VDAC1: variants seen among roughly 807,000 people sequenced by gnomAD.
VDAC1 encodes voltage dependent anion channel 1.
A neutral mutation model predicts 34.7 loss-of-function variants in VDAC1; 10 were observed. That is an observed-to-expected ratio of 0.29 (90% CI 0.18 to 0.49). The LOEUF is 0.49. VDAC1 is among the 20% of genes least tolerant of loss of function. The pLI is 0.99. For synonymous variants in VDAC1, 130 were observed against 136.0 expected, an observed-to-expected ratio of 0.96 and a Z score of 0.30; for missense variants, 230 against 347.9, an observed-to-expected ratio of 0.66 and a Z score of 2.69.
At chr5:134,047,983 C>T in the VDAC1 span, among the ~76,000 whole-genome samples, 1 of 150,818 alleles carries the variant, frequency 6.6e-6, no homozygotes, top group Non-Finnish European at 1.5e-5. Context: ...TGCACCACTA[C>T]ACTCCAGCCT....
At chr5:134,029,117 G>A in the VDAC1 span, among the ~76,000 whole-genome samples, 1 of 152,212 alleles carries the variant, frequency 6.6e-6, no homozygotes, top group Non-Finnish European at 1.5e-5. Flanking sequence ...CTTAGTCCTA[G>A]GCAAACAGAA....
chr5:134,108,992 C>G, the VDAC1 span, among the ~76,000 whole-genome samples: 1 of 152,206 alleles, frequency 6.6e-6, no homozygotes, highest in South Asian at 2.1e-4. Context: ...CATAAAACAG[C>G]CAGGAGGGTT....
the VDAC1 span, among the ~76,000 whole-genome samples, chr5:134,021,557 T>TAA: frequency 0.026 from 3,739 of 142,392 alleles, 167 homozygotes; most frequent in African/African-American, 0.091. Flanking sequence ...GACCTTGTCT[T>TAA]AAAAAAAAAA....
chr5:134,077,920 AGACCCTTCCCTTTG>A, the VDAC1 span, among the ~76,000 whole-genome samples: 1 of 152,260 alleles, frequency 6.6e-6, no homozygotes, highest in African/African-American at 2.4e-5. Context: ...CCCTGAAAAA[AGACCCTTCCCTTTG>A]GGCCTGCCCA....
chr5:134,094,695 CAAAAAAAA>C, the VDAC1 span, among the ~76,000 whole-genome samples: 1 of 68,504 alleles, frequency 1.5e-5, no homozygotes, highest in South Asian at 5.8e-4. Flanking sequence ...GACTCCGTCT[CAAAAAAAA>C]AAAAAAAAAA....
the VDAC1 span, among the ~76,000 whole-genome samples, chr5:134,106,306 T>G: frequency 6.6e-6 from 1 of 152,166 alleles, no homozygotes; most frequent in East Asian, 1.9e-4. Flanking sequence ...GGAAGTTAAT[T>G]TGTGTATATT....
chr5:134,005,051 C>T (rs1272961688), upstream of VDAC1: 3 of 152,336 alleles, frequency 2.0e-5, no homozygotes, highest in Non-Finnish European at 4.4e-5. Flanking sequence ...TTGCTGGAAA[C>T]CTCGGCCCCA....
At chr5:134,114,219 C>T in the VDAC1 span, among the ~76,000 whole-genome samples, 1 of 152,174 alleles carries the variant, frequency 6.6e-6, no homozygotes, top group Non-Finnish European at 1.5e-5. Flanking sequence ...AACAGCGCCG[C>T]GGAGTTCCAA....
chr5:134,064,595 G>C, the VDAC1 span, among the ~76,000 whole-genome samples: 1 of 151,936 alleles, frequency 6.6e-6, no homozygotes, highest in Admixed American at 6.6e-5. Context: ...TGAGCCGCTG[G>C]GCCTGGTCTG....
At chr5:134,070,316 T>A in the VDAC1 span, among the ~76,000 whole-genome samples, 1 of 152,054 alleles carries the variant, frequency 6.6e-6, no homozygotes, top group African/African-American at 2.4e-5. Context: ...TAATTTTTTT[T>A]ATTTTTGGTA....
chr5:134,027,686 C>T, the VDAC1 span, among the ~76,000 whole-genome samples: 26 of 152,088 alleles, frequency 1.7e-4, no homozygotes, highest in South Asian at 5.0e-3. Context: ...TTCAATTACC[C>T]GTGATCTTCT....
the VDAC1 span, among the ~76,000 whole-genome samples, chr5:134,036,710 T>C: frequency 6.6e-6 from 1 of 150,804 alleles, no homozygotes; most frequent in East Asian, 2.0e-4. Context: ...TCCCAGCACT[T>C]TGGGAGGCTG....
chr5:134,034,841 T>C, the VDAC1 span, among the ~76,000 whole-genome samples: 5 of 151,830 alleles, frequency 3.3e-5, no homozygotes, highest in Non-Finnish European at 5.9e-5. Flanking sequence ...AAATGAACCC[T>C]GTGGTGTTGA....
At chr5:134,055,277 G>T in the VDAC1 span, among the ~76,000 whole-genome samples, 1 of 152,206 alleles carries the variant, frequency 6.6e-6, no homozygotes, top group African/African-American at 2.4e-5. Context: ...GGTGGCTATG[G>T]GGTGATTTGA....
In VDAC1 at chr5:133,978,441, G is replaced by A. The variant is rs78103973; in HGVS notation, c.551+2288C>T. ...TATGAGCCACACATTGTAAATTTTCGTTTCCCCATGAAATTCAGCGAGACA... is the reference window on the plus strand; with the variant it reads ...TATGAGCCACACATTGTAAATTTTCATTTCCCCATGAAATTCAGCGAGACA... On this transcript the variant is annotated intron_variant, in intron 6 of 8. Transcript: ENST00000265333. 9.0e-3 allele frequency among the ~76,000 whole-genome samples: 1,364 copies of A among 152,204 alleles called. 21 individuals are homozygous for A. Among genetic ancestry groups the A allele is most frequent in the African/African-American group, 0.031 (1,271 of 41,524 alleles).
chr5:134,043,149 G>T, the VDAC1 span, among the ~76,000 whole-genome samples: 1 of 152,186 alleles, frequency 6.6e-6, no homozygotes, highest in Non-Finnish European at 1.5e-5. Flanking sequence ...AAGGCTTCAG[G>T]GTGAATGGTG....
chr5:134,097,064 A>G, the VDAC1 span, among the ~76,000 whole-genome samples: 5 of 152,376 alleles, frequency 3.3e-5, no homozygotes, highest in Admixed American at 6.5e-5. Context: ...CTCAAAGCAC[A>G]TGCCTGTCTC....
rs115368324 is a variant in VDAC1 at position 133,975,748 on chromosome 5, G to A, written c.702+123C>T. ...TGCAGGGATTACAGGCGTGAGTCAC[G>A]GCGCCCAGCAGCATCTCTCACTTTG... On this transcript the variant is annotated intron_variant, in intron 7 of 8. Transcript: ENST00000265333. 798 of 1,457,334 alleles carry A rather than the reference G, an allele frequency of 5.5e-4. 6 individuals are homozygous for A. In the African/African-American group the frequency reaches 9.8e-3, roughly 18 times the overall value. 90.3% of individuals were successfully genotyped at this position (1,457,334 alleles called of 1,614,324 possible).
At chr5:134,026,888 G>C in the VDAC1 span, among the ~76,000 whole-genome samples, 1 of 152,240 alleles carries the variant, frequency 6.6e-6, no homozygotes, top group Non-Finnish European at 1.5e-5. Flanking sequence ...GGAAACTGAG[G>C]CTGCTGAAGA....
Sources: allele counts gnomAD v4.1 joint callset (sites outside exome capture counted in the v4.1 genomes callset), GRCh38; gene constraint gnomAD v4.1.1; transcripts MANE v1.5; gene names NCBI Gene and HGNC (gene_info 2026-07-23, HGNC 2026-07-21).